The following MTA1 variants were observed in gnomAD, a reference collection of about 807,000 sequenced individuals.
MTA1 encodes the protein metastasis-associated protein MTA1.
Under a neutral mutation model 97.0 loss-of-function variants are expected in MTA1, and 15 were observed. The observed-to-expected ratio is 0.15, with a 90% confidence interval of 0.10 to 0.24. MTA1 has a LOEUF of 0.24. Ranked by LOEUF, MTA1 falls within the 10% of genes least tolerant of loss-of-function variation. The pLI is 1.00. For missense variants in MTA1, 709 were observed against 1,015.1 expected, an observed-to-expected ratio of 0.70 and a Z score of 4.10; for synonymous variants, 435 against 417.5, an observed-to-expected ratio of 1.04 and a Z score of -0.51.
At chr14:105,442,662 G>C (rs2082577903) in intron 2 of MTA1, among the ~76,000 whole-genome samples, 1 of 152,238 alleles carries the variant, frequency 6.6e-6, no homozygotes, top group South Asian at 2.1e-4. Context: ...CCCCGAGTGT[G>C]ACTGAGTCCG....
At chr14:105,467,085 T>C in intron 18 of MTA1, 1 of 460,802 alleles carries the variant, frequency 2.2e-6, no homozygotes, top group Non-Finnish European at 4.0e-6. Flanking sequence ...GTGCTGTGCC[T>C]GCAATCCTTC....
At position 105,449,416 on chromosome 14, in the gene MTA1, G is replaced by A; in HGVS notation, c.241+7G>A. ...GCGGACAACGGCGAGGAAGGTAAGA[G>A]CCGGCCTCCGCAAGGAGGGCGTCCT... On this transcript the variant is annotated splice_region_variant and intron_variant, in intron 4 of 20. Coordinates refer to ENST00000331320, the MANE Select transcript of MTA1 (RefSeq NM_004689.4). 6.2e-7 allele frequency: 1 copy of A among 1,610,696 alleles called. No homozygotes were observed. Among genetic ancestry groups the A allele is most frequent in the Non-Finnish European group, 8.5e-7 (1 of 1,178,924 alleles).
At position 105,463,724 on chromosome 14, in the gene MTA1, G is replaced by A; in HGVS notation, c.1076+173G>A. 1 of 654,744 alleles carries A rather than the reference G, an allele frequency of 1.5e-6. No individual in the cohort carries two copies. Among genetic ancestry groups the A allele is most frequent in the Non-Finnish European group, 2.6e-6 (1 of 378,958 alleles). The allele number at this position is 654,744 out of a possible 1,614,324, so 40.6% of individuals were successfully genotyped here. On this transcript the variant is annotated intron_variant, in intron 12 of 20. Coordinates refer to ENST00000331320, the MANE Select transcript of MTA1 (RefSeq NM_004689.4). The surrounding 1 kb of genome is among the most constrained non-coding windows in gnomAD (Gnocchi z 5.9). The stretch of plus-strand genomic sequence containing the variant: ...GGGGGGTTCTGGCTGCAGACGCAGT[G>A]GCCATGTCTCTGTCGTCCTGGCCTC...
chr14:105,457,903 C>T (rs915438017), intron 7 of MTA1, among the ~76,000 whole-genome samples: 1 of 151,352 alleles, frequency 6.6e-6, no homozygotes. Context: ...CCAGCCTGGG[C>T]GACAGAGTGA....
At chr14:105,426,778 C>G (rs140691143) in intron 1 of MTA1, among the ~76,000 whole-genome samples, 2 of 152,172 alleles carry the variant, frequency 1.3e-5, no homozygotes, top group Admixed American at 6.5e-5. Flanking sequence ...GGGCCGGGCG[C>G]GAGGCTTGCA....
At chr14:105,458,249 G>C in intron 7 of MTA1, 21 bp from the exon 8 acceptor site, 1 of 1,608,736 alleles carries the variant, frequency 6.2e-7, no homozygotes, top group East Asian at 2.2e-5. Context: ...GTCTCAGAAA[G>C]GCCACACTTC....
At chr14:105,452,977 A>G (rs115291441) in intron 6 of MTA1, among the ~76,000 whole-genome samples, 5,959 of 152,348 alleles carry the variant, frequency 0.039, 394 homozygotes, top group African/African-American at 0.14. Context: ...CATGCAGAAG[A>G]AAGTGCAGCC....
At position 105,461,273 on chromosome 14, in the gene MTA1, C is replaced by T. The variant is rs12588781; in HGVS notation, c.942+320C>T. 7.7e-3 allele frequency among the ~76,000 whole-genome samples: 1,172 copies of T among 152,322 alleles called. 76 individuals are homozygous for T. The East Asian group carries it at 0.14, about 19-fold the overall frequency. ...GGTATCCTCACGGAGACTTTCCCTT[C>T]CTTGCTGCCCCCTCCAGCCCCAGGC... On this transcript the variant is annotated intron_variant, in intron 10 of 20. Transcript: ENST00000331320.
In MTA1 at chr14:105,460,342, C is replaced by T; in HGVS notation, c.654-16C>T. On this transcript the variant is annotated splice_polypyrimidine_tract_variant and intron_variant, in intron 8 of 20. Coordinates refer to ENST00000331320, the MANE Select transcript of MTA1 (RefSeq NM_004689.4). Reference sequence around the variant, plus strand: ...TGCTTGGCCGACACTGTGGTCAGCGCATCTCCTTTCCCCAGCTCTGTGGGC... The same window carrying T: ...TGCTTGGCCGACACTGTGGTCAGCGTATCTCCTTTCCCCAGCTCTGTGGGC... The T allele has an allele frequency of 1.2e-6, 2 of 1,600,564 alleles. No individual in the cohort carries two copies. Among genetic ancestry groups the T allele is most frequent in the South Asian group, 1.1e-5 (1 of 89,388 alleles).
chr14:105,469,367 C>T, intron 18 of MTA1, 100 bp from the exon 19 acceptor site: 2 of 1,343,588 alleles, frequency 1.5e-6, no homozygotes, highest in Non-Finnish European at 2.1e-6. Flanking sequence ...TGGCAGATGG[C>T]CCCGGCCCAT....
intron 2 of MTA1, among the ~76,000 whole-genome samples, chr14:105,439,701 CCT>C (rs1462259279): frequency 1.3e-5 from 2 of 152,088 alleles, no homozygotes; most frequent in Non-Finnish European, 2.9e-5. Context: ...GCTTCACAGA[CCT>C]CTCTGTGCCT....
chr14:105,438,916 G>C (rs2082411931), intron 2 of MTA1, among the ~76,000 whole-genome samples, 177 bp downstream of exon 2: 1 of 152,218 alleles, frequency 6.6e-6, no homozygotes, highest in South Asian at 2.1e-4. Flanking sequence ...CCTCCTTGGA[G>C]ATACTGAGTG....
intron 1 of MTA1, among the ~76,000 whole-genome samples, chr14:105,432,406 A>C (rs2082203047): frequency 1.3e-5 from 2 of 151,772 alleles, no homozygotes; most frequent in African/African-American, 2.4e-5. Flanking sequence ...ATGCCCGGCT[A>C]ATTTTTGTAT....
At chr14:105,427,501 G>A (rs587629449) in intron 1 of MTA1, among the ~76,000 whole-genome samples, 65 of 152,220 alleles carry the variant, frequency 4.3e-4, no homozygotes, top group African/African-American at 1.2e-3. Flanking sequence ...GTTCAGTGTC[G>A]GAGAACAATA....
At chr14:105,436,362 C>T (rs985257202) in intron 1 of MTA1, among the ~76,000 whole-genome samples, 7 of 152,180 alleles carry the variant, frequency 4.6e-5, no homozygotes, top group Non-Finnish European at 8.8e-5. Context: ...TCATTTCCTG[C>T]CTTCTTGCTT....
At chr14:105,426,746 G>A (rs1001909248) in intron 1 of MTA1, among the ~76,000 whole-genome samples, 2 of 152,226 alleles carry the variant, frequency 1.3e-5, no homozygotes, top group African/African-American at 4.8e-5. Flanking sequence ...GGACAGCAAC[G>A]GAGGAGGATG....
chr14:105,450,807 C>T (rs587692495), intron 6 of MTA1, among the ~76,000 whole-genome samples: 2 of 152,330 alleles, frequency 1.3e-5, no homozygotes, highest in South Asian at 2.1e-4. Context: ...TCCCCCAAGG[C>T]GTGACAACCA....
At chr14:105,469,769 C>CCTCCT in intron 19 of MTA1, 72 bp from the exon 20 acceptor site, 1 of 241,856 alleles carries the variant, frequency 4.1e-6, no homozygotes. Context: ...CAGCACCTCC[C>CCTCCT]AGCGGGAGCC....
At chr14:105,469,748 T>G in intron 19 of MTA1, 93 bp from the exon 20 acceptor site, 1 of 1,419,324 alleles carries the variant, frequency 7.0e-7, no homozygotes, top group Non-Finnish European at 9.3e-7. Flanking sequence ...TGGTGGGGGG[T>G]TGGCCAGGCA....
Sources: gnomAD v4.1 joint callset for allele counts (sites outside exome capture counted in the v4.1 genomes callset) on GRCh38, gnomAD v4.1.1 for gene constraint, Gnocchi (gnomAD v3.1) non-coding constraint, MANE v1.5 for transcripts, NCBI Gene and HGNC (gene_info 2026-07-23, HGNC 2026-07-21) for gene names.